Variants in ABCA1 observed in about 807,000 individuals in gnomAD.
The protein encoded by ABCA1 is phospholipid-transporting ATPase ABCA1.
ABCA1 carries 133 observed loss-of-function variants against 262.5 expected under a neutral mutation model. The observed-to-expected ratio is 0.51, with a 90% CI of 0.44 to 0.59. The LOEUF (loss-of-function observed/expected upper bound fraction) is 0.59, where lower values mean the gene tolerates loss of function less well. Among genes scored for constraint, ABCA1 ranks in the 20% least tolerant of loss-of-function variants. The pLI, the probability that ABCA1 is intolerant of heterozygous loss-of-function variation, is 0.00. For synonymous variants in ABCA1, 1,022 were observed against 1,043.5 expected (o/e 0.98, Z 0.40); for missense variants, 2,452 against 2,777.5 (o/e 0.88, Z 2.63).
At chr9:104,814,032 A>G in intron 27 of ABCA1, 86 bp downstream of exon 27, 2 of 1,390,668 alleles carry the variant, frequency 1.4e-6, no homozygotes, top group Non-Finnish European at 2.0e-6. Flanking sequence ...CCTTGGCTAA[A>G]GGCCATCCAA....
chr9:104,793,139 A>C, intron 41 of ABCA1, 32 bp downstream of exon 41: 1 of 1,613,596 alleles, frequency 6.2e-7, no homozygotes, highest in South Asian at 1.1e-5. Context: ...ACCCTCAACC[A>C]GGTGCTCCAC....
chr9:104,840,512 C>T lies in ABCA1; in HGVS notation c.821G>A (p.Ser274Asn), dbSNP rs774350352. The part of the protein sequence containing the change: ...SLGTLAQELF[S>N]MRSWSDMRQE... Reference sequence around the variant, plus strand: ...TCGCATGTCACTCCAGCTTCTCATGCTGAACAGCTGGCGTCAGGGATGGGG... The same window carrying T: ...TCGCATGTCACTCCAGCTTCTCATGTTGAACAGCTGGCGTCAGGGATGGGG... The change falls in exon 9 of 50, where the codon AGC (serine) becomes AAC (asparagine). Residue 274 changes from serine (S) to asparagine (N), a missense_variant. By Grantham distance (46) the Ser-to-Asn change is conservative. Transcript: ENST00000374736. The T allele has an allele frequency of 6.2e-7, 1 of 1,612,222 alleles. No individual in the cohort carries two copies. Among genetic ancestry groups the T allele is most frequent in the East Asian group, 2.2e-5 (1 of 44,658 alleles).
At chr9:104,924,100 T>A (rs947069547) in intron 1 of ABCA1, among the ~76,000 whole-genome samples, 15 of 152,286 alleles carry the variant, frequency 9.8e-5, no homozygotes, top group Middle Eastern at 3.4e-3. Context: ...TGCCACACAG[T>A]GCTATATAAG....
At chr9:104,830,833 A>G in intron 14 of ABCA1, 92 bp downstream of exon 14, 3 of 1,426,948 alleles carry the variant, frequency 2.1e-6, no homozygotes, top group Non-Finnish European at 3.0e-6. Context: ...TTTCCAGATC[A>G]TTCACACATG....
intron 28 of ABCA1, among the ~76,000 whole-genome samples, 159 bp downstream of exon 28, chr9:104,812,415 G>C (rs549532584): frequency 1.3e-5 from 2 of 152,048 alleles, no homozygotes; most frequent in African/African-American, 4.8e-5. Flanking sequence ...ACTTGCCAGC[G>C]GATACACAAC....
chr9:104,871,651 T>G (rs1837616713), intron 5 of ABCA1, among the ~76,000 whole-genome samples: 1 of 151,876 alleles, frequency 6.6e-6, no homozygotes, highest in Non-Finnish European at 1.5e-5. Context: ...AGCAAGAAGA[T>G]AGCTGAGATG....
At chr9:104,799,397 C>CACACACACAT (rs1727220791) in intron 36 of ABCA1, 1 of 568,322 alleles carries the variant, frequency 1.8e-6, no homozygotes, top group African/African-American at 2.9e-5. Flanking sequence ...TTAAACTTCA[C>CACACACACAT]ACACACACAC....
chr9:104,861,864 AC>A, intron 5 of ABCA1, 64 bp from the exon 6 acceptor site: 1 of 1,422,566 alleles, frequency 7.0e-7, no homozygotes, highest in Non-Finnish European at 9.8e-7. Flanking sequence ...AAAAGTGGGC[AC>A]AATGGGACAG....
At chr9:104,826,134 T>C (rs898693534) in intron 16 of ABCA1, among the ~76,000 whole-genome samples, 3 of 152,192 alleles carry the variant, frequency 2.0e-5, no homozygotes, top group Admixed American at 6.5e-5. Context: ...CAGTGAAGCA[T>C]AAAACTTTTA....
chr9:104,924,579 C>T (rs1204495075), intron 1 of ABCA1, among the ~76,000 whole-genome samples: 1 of 149,924 alleles, frequency 6.7e-6, no homozygotes, highest in African/African-American at 2.5e-5. Context: ...TACTGCGCTC[C>T]AGCCTAGGCA....
rs776019212 is a variant in ABCA1 at position 104,796,034 on chromosome 9, T to C, written c.5382+19A>G. On this transcript the variant is annotated intron_variant, in intron 39 of 49. Transcript: ENST00000374736. The stretch of plus-strand genomic sequence containing the variant: ...AGAGATGCTCATCCCAGCAGGAGTG[T>C]TCTCTCTGCATGACTCACATTGTCG... 6.2e-7 allele frequency: 1 copy of C among 1,612,196 alleles called. No individual in the cohort carries two copies. Among genetic ancestry groups the C allele is most frequent in the South Asian group, 1.1e-5 (1 of 90,996 alleles).
intron 7 of ABCA1, among the ~76,000 whole-genome samples, chr9:104,851,130 T>C (rs1835339373): frequency 6.6e-6 from 1 of 152,212 alleles, no homozygotes; most frequent in Non-Finnish European, 1.5e-5. Flanking sequence ...CCCAGAAAGA[T>C]AAAGGCTGTT....
In ABCA1 at chr9:104,788,583, AAACTACTTAGATTTT is replaced by A. The variant is rs1219099566; in HGVS notation, c.5928-31_5928-17del. On this transcript the variant is annotated splice_polypyrimidine_tract_variant and intron_variant, in intron 44 of 49. Coordinates refer to ENST00000374736, the MANE Select transcript of ABCA1 (RefSeq NM_005502.4). ...TGATAAGATACTGCAAAGGACAAGAAAACTACTTAGATTTTAAGCAGGTAGAGATACTCTGGTTAG... is the reference window on the plus strand; with the variant it reads ...TGATAAGATACTGCAAAGGACAAGAAAAGCAGGTAGAGATACTCTGGTTAG... 1.2e-6 allele frequency: 2 copies of A among 1,614,044 alleles called. No homozygotes were observed. Among genetic ancestry groups the A allele is most frequent in the Admixed American group, 3.3e-5 (2 of 60,030 alleles).
intron 43 of ABCA1, among the ~76,000 whole-genome samples, chr9:104,791,661 G>A (rs976960106): frequency 1.3e-5 from 2 of 152,104 alleles, no homozygotes; most frequent in Admixed American, 6.6e-5. Flanking sequence ...TCCTGACCTC[G>A]TGATCCGCCC....
chr9:104,882,909 C>T, intron 5 of ABCA1, 130 bp downstream of exon 5: 1 of 968,694 alleles, frequency 1.0e-6, no homozygotes, highest in South Asian at 1.3e-5. Flanking sequence ...CCCCACAGGC[C>T]AGCCACCAAG....
rs887512089 is a variant in ABCA1 at position 104,861,775 on chromosome 9, C to T, written c.447G>A (p.Val149=). 1 of 1,612,938 alleles carries T rather than the reference C, an allele frequency of 6.2e-7. No individual in the cohort carries two copies. Among genetic ancestry groups the T allele is most frequent in the African/African-American group, 1.3e-5 (1 of 74,596 alleles). The change falls in exon 6 of 50, where the codon GTG becomes GTA. Residue 149 remains valine (V), a synonymous_variant. Coordinates refer to ENST00000374736, the MANE Select transcript of ABCA1 (RefSeq NM_005502.4). ...GGAACCCAGAGAAGGTTTCATTGTCCACCAGGAAATCTTGAAGCTTCAAGT... is the reference window on the plus strand; with the variant it reads ...GGAACCCAGAGAAGGTTTCATTGTCTACCAGGAAATCTTGAAGCTTCAAGT... ...SSNLKLQDFL[V]DNETFSGFLY...
Position 104,819,592 on chromosome 9 carries a change from G to A in ABCA1, c.3235C>T (p.Arg1079Ter). The change falls in exon 22 of 50, where the codon CGA becomes TGA. Residue 1079 changes from arginine (R) to a stop codon, truncating the protein, a stop_gained. Coordinates refer to ENST00000374736, the MANE Select transcript of ABCA1 (RefSeq NM_005502.4). LOFTEE classifies it high-confidence loss of function. Reference protein sequence around the residue: ...RGIWELLLKYRQGRTIILSTH... With the variant: ...RGIWELLLKY ...ATAAATACACATCAGGCACCTTGTC[G>A]GTATTTCAGCAGCAGCTCCCATATT... The A allele has an allele frequency of 2.5e-6, 4 of 1,614,112 alleles. No individual in the cohort carries two copies. The highest frequency in any genetic ancestry group is 2.2e-5 in the East Asian group (1 of 44,890).
rs150371991 is a variant in ABCA1 at position 104,820,034 on chromosome 9, C to T, written c.2996G>A (p.Arg999His). ...GTGCTTCTCAGAGAGCCCTTTCAAG[C>T]GGGCATAGAACCAGATGTGTTCTTC... ...TVEEHIWFYA[R>H]LKGLSEKHVK... The change falls in exon 21 of 50, where the codon CGC (arginine) becomes CAC (histidine). Residue 999 changes from arginine (R) to histidine (H), a missense_variant. This residue lies in a region of ABCA1 where 665 missense variants were observed against 727.3 expected (regional missense o/e 0.91). Coordinates refer to ENST00000374736, the MANE Select transcript of ABCA1 (RefSeq NM_005502.4). 17 of 1,613,974 alleles carry T rather than the reference C, an allele frequency of 1.1e-5. No individual in the cohort carries two copies. The highest frequency in any genetic ancestry group is 7.7e-5 in the South Asian group (7 of 91,076).
chr9:104,792,894 T>C lies in ABCA1; in HGVS notation c.5649A>G (p.Ala1883=), dbSNP rs148253245. The part of the protein sequence containing the change: ...RFFIRPRPVN[A]KLSPLNDEDE... Reference sequence around the variant, plus strand: ...CTTCATCATTCAGAGGAGATAGCTTTGCATTTACAGGTCTTGGGGGAAAAA... The same window carrying C: ...CTTCATCATTCAGAGGAGATAGCTTCGCATTTACAGGTCTTGGGGGAAAAA... Residue 1883 remains alanine, a synonymous_variant, in exon 42 of 50, where the codon GCA becomes GCG. Coordinates refer to ENST00000374736, the MANE Select transcript of ABCA1 (RefSeq NM_005502.4). 66 of 1,614,048 alleles carry C rather than the reference T, an allele frequency of 4.1e-5. 2 individuals are homozygous for C. Among genetic ancestry groups the C allele is most frequent in the African/African-American group, 2.9e-4 (22 of 74,924 alleles).
Sources: gnomAD v4.1 joint callset for allele counts (sites outside exome capture counted in the v4.1 genomes callset) on GRCh38, gnomAD v4.1.1 for gene constraint, gnomAD v4.1.1 regional missense constraint, MANE v1.5 for transcripts, NCBI Gene and HGNC (gene_info 2026-07-23, HGNC 2026-07-21) for gene names.